Variants in GABRA5 observed in about 807,000 individuals in gnomAD.
GABRA5 encodes the protein gamma-aminobutyric acid type A receptor subunit alpha5, also known as gamma-aminobutyric acid receptor subunit alpha-5.
A neutral mutation model predicts 47.3 loss-of-function variants in GABRA5; 18 were observed. The ratio of observed to expected loss-of-function variants is 0.38; its 90% CI spans 0.26 to 0.56. GABRA5 has a LOEUF of 0.56. Ranked by LOEUF, GABRA5 falls within the 20% of genes least tolerant of loss-of-function variation. The pLI is 0.71. For synonymous variants in GABRA5, 237 were observed against 229.3 expected (o/e 1.03, Z -0.30); for missense variants, 365 against 599.3 (o/e 0.61, Z 4.08).
At chr15:26,869,611 G>C (rs1212302433) in intron 3 of GABRA5, among the ~76,000 whole-genome samples, 1 of 152,262 alleles carries the variant, frequency 6.6e-6, no homozygotes, top group Non-Finnish European at 1.5e-5. Flanking sequence ...CGAGTCAGCT[G>C]TGATTCTTCC....
chr15:26,901,408 CAT>C (rs1254812812), intron 6 of GABRA5, among the ~76,000 whole-genome samples: 1 of 152,138 alleles, frequency 6.6e-6, no homozygotes. Flanking sequence ...TTTCTGATGA[CAT>C]ATGTCGTGGA....
At chr15:26,888,258 AAG>A (rs1412528356) in intron 6 of GABRA5, among the ~76,000 whole-genome samples, 5 of 152,214 alleles carry the variant, frequency 3.3e-5, no homozygotes, top group African/African-American at 1.2e-4. Flanking sequence ...AATCAGCCCA[AAG>A]AGAGCAGCAA....
chr15:26,878,183 A>G (rs1892644234), intron 3 of GABRA5, among the ~76,000 whole-genome samples: 1 of 152,206 alleles, frequency 6.6e-6, no homozygotes, highest in Non-Finnish European at 1.5e-5. Flanking sequence ...TTTCTGTGTT[A>G]TTTTGTTTTT....
chr15:26,875,005 C>T (rs1446550166), intron 3 of GABRA5, among the ~76,000 whole-genome samples: 1 of 152,238 alleles, frequency 6.6e-6, no homozygotes, highest in Non-Finnish European at 1.5e-5. Context: ...GTTACTTCAC[C>T]TGCCTGCAAC....
chr15:26,948,022 C>A lies in GABRA5; in HGVS notation c.1178C>A (p.Thr393Asn). The A allele has an allele frequency of 6.2e-7, 1 of 1,604,330 alleles. No homozygotes were observed. The highest frequency in any genetic ancestry group is 8.5e-7 in the Non-Finnish European group (1 of 1,175,114). The stretch of plus-strand genomic sequence containing the variant: ...CCCCCAAACATTCCGAAGGAACAGA[C>A]CCCAGCAGGGACGTCGAATACAACC... ...SHPPNIPKEQ[T>N]PAGTSNTTSV... The change falls in exon 11 of 11, where the codon ACC (threonine) becomes AAC (asparagine). Residue 393 changes from threonine to asparagine, a missense_variant. Around this residue, in one of 3 missense-constraint regions of GABRA5, gnomAD observed 106 missense variants for 130.3 expected, o/e 0.81. Transcript: ENST00000335625.
At chr15:26,911,406 C>T (rs568960129) in intron 6 of GABRA5, among the ~76,000 whole-genome samples, 30 of 147,888 alleles carry the variant, frequency 2.0e-4, no homozygotes, top group Non-Finnish European at 3.4e-4. Context: ...CAAACACACA[C>T]ACTCCTGCAA....
chr15:26,899,245 G>T (rs953491672), intron 6 of GABRA5, among the ~76,000 whole-genome samples: 1 of 152,150 alleles, frequency 6.6e-6, no homozygotes, highest in Non-Finnish European at 1.5e-5. Flanking sequence ...ACATATTTGT[G>T]AAAGTTTCAA....
At chr15:26,905,917 G>T (rs1327328415) in intron 6 of GABRA5, among the ~76,000 whole-genome samples, 2 of 151,372 alleles carry the variant, frequency 1.3e-5, no homozygotes, top group African/African-American at 4.9e-5. Flanking sequence ...ATTTCTTTTA[G>T]ATCTTTGATA....
At chr15:26,912,246 A>G (rs939329922) in intron 6 of GABRA5, among the ~76,000 whole-genome samples, 1 of 152,142 alleles carries the variant, frequency 6.6e-6, no homozygotes, top group Non-Finnish European at 1.5e-5. Flanking sequence ...TATACTTCCT[A>G]TTTCCTGACT....
chr15:26,928,834 G>T (rs752649497), intron 7 of GABRA5, among the ~76,000 whole-genome samples: 1 of 152,088 alleles, frequency 6.6e-6, no homozygotes, highest in Non-Finnish European at 1.5e-5. Flanking sequence ...GTCTGGTGAG[G>T]GCCTGCTTTC....
chr15:26,945,733 C>CA (rs1245529716), intron 10 of GABRA5, among the ~76,000 whole-genome samples: 3 of 152,188 alleles, frequency 2.0e-5, no homozygotes, highest in African/African-American at 7.2e-5. Flanking sequence ...GTCCTTCTGG[C>CA]AAGGCGGATT....
chr15:26,891,680 G>A (rs1439868634), intron 6 of GABRA5, among the ~76,000 whole-genome samples: 1 of 152,160 alleles, frequency 6.6e-6, no homozygotes, highest in East Asian at 1.9e-4. Flanking sequence ...CTCTTGGCAG[G>A]TCTGCGCGGC....
rs373839166 is a variant in GABRA5, at chr15:26,944,384, A to G, written c.1089+958A>G. Among the ~76,000 whole-genome samples, 36 of 152,324 alleles carry G rather than the reference A, an allele frequency of 2.4e-4. 1 individual carries two copies. The highest frequency in any genetic ancestry group is 8.4e-4 in the African/African-American group (35 of 41,586). On this transcript the variant is annotated intron_variant, in intron 10 of 10. Coordinates refer to ENST00000335625, the MANE Select transcript of GABRA5 (RefSeq NM_000810.4). ...TGGGCCTTCACTATTTCCAAGTGCC[A>G]GGAGCCCCTCCCCCACTGTAGTTTC...
chr15:26,943,334 T>C lies in GABRA5; in HGVS notation c.997T>C (p.Ser333Pro). 6.3e-7 allele frequency: 1 copy of C among 1,594,750 alleles called. No homozygotes were observed. Among genetic ancestry groups the C allele is most frequent in the Non-Finnish European group, 8.5e-7 (1 of 1,170,766 alleles). ...AGCCGTGTGCTATGCCTTCGTCTTC[T>C]CGGCGCTGATAGAGTTTGCCACGGT... The part of the protein sequence containing the change: ...FIAVCYAFVF[S>P]ALIEFATVNY... Residue 333 changes from serine to proline, a missense_variant, in exon 10 of 11, where the codon TCG (serine) becomes CCG (proline). By Grantham distance (74) the Ser-to-Pro change is moderately conservative (BLOSUM62 -1). Transcript: ENST00000335625.
rs1005051478 is a variant in GABRA5 at position 26,948,564 on chromosome 15, A to G, written c.*331A>G. ...CAAGTGTTACCTAACAATGTTTTTT[A>G]TACTTCAAATGTCATTTCATACAAA... On this transcript the variant is annotated 3_prime_UTR_variant, in exon 11 of 11. Transcript: ENST00000335625. 1.8e-5 allele frequency: 4 copies of G among 222,054 alleles called. No individual in the cohort carries two copies. The East Asian group carries it at 3.8e-4, about 21-fold the overall frequency. 13.8% of individuals were successfully genotyped at this position (222,054 alleles called of 1,614,324 possible).
intron 3 of GABRA5, among the ~76,000 whole-genome samples, chr15:26,879,487 G>A (rs1288980446): frequency 6.6e-6 from 1 of 152,186 alleles, no homozygotes; most frequent in Non-Finnish European, 1.5e-5. Context: ...GTATACATCT[G>A]TGGGCTCCGT....
intron 6 of GABRA5, among the ~76,000 whole-genome samples, chr15:26,895,696 C>T (rs148362747): frequency 4.6e-4 from 70 of 151,668 alleles, no homozygotes; most frequent in Non-Finnish European, 6.5e-4. Flanking sequence ...GCCTGTAATC[C>T]CAGCTACTCG....
intron 6 of GABRA5, among the ~76,000 whole-genome samples, chr15:26,888,672 T>C (rs1892935365): frequency 6.6e-6 from 1 of 152,208 alleles, no homozygotes; most frequent in Admixed American, 6.5e-5. Flanking sequence ...AGATCTGACA[T>C]ACATACACCA....
At chr15:26,893,448 G>A (rs1274307286) in intron 6 of GABRA5, among the ~76,000 whole-genome samples, 1 of 96 alleles carries the variant, frequency 0.01, no homozygotes, top group African/African-American at 0.024. Flanking sequence ...GTGTGTGACT[G>A]CCCCTACTCA....
Sources: allele counts gnomAD v4.1 joint callset (sites outside exome capture counted in the v4.1 genomes callset), GRCh38; gene constraint gnomAD v4.1.1; regional missense constraint gnomAD v4.1.1; transcripts MANE v1.5; gene names NCBI Gene and HGNC (gene_info 2026-07-23, HGNC 2026-07-21).